Variants in FBXL7 observed in about 807,000 individuals in gnomAD.
FBXL7 encodes the protein F-box and leucine rich repeat protein 7.
FBXL7 carries 12 observed loss-of-function variants against 38.3 expected under a neutral mutation model. The observed-to-expected ratio is 0.31, with a 90% CI of 0.20 to 0.51. The LOEUF (loss-of-function observed/expected upper bound fraction) is 0.51. Among genes scored for constraint, FBXL7 ranks in the 20% least tolerant of loss-of-function variants. The pLI, the probability that FBXL7 is intolerant of heterozygous loss-of-function variation, is 0.98. For missense variants in FBXL7, 567 were observed against 676.4 expected, an observed-to-expected ratio of 0.84 and a Z score of 1.79; for synonymous variants, 297 against 300.9, an observed-to-expected ratio of 0.99 and a Z score of 0.13.
intron 2 of FBXL7, among the ~76,000 whole-genome samples, chr5:15,893,390 A>T (rs1488927951): frequency 6.6e-6 from 1 of 152,260 alleles, no homozygotes; most frequent in African/African-American, 2.4e-5. Context: ...TAATAATCAG[A>T]TATAAGCATA....
At chr5:15,633,214 T>C (rs1741058924) in intron 2 of FBXL7, among the ~76,000 whole-genome samples, 1 of 152,168 alleles carries the variant, frequency 6.6e-6, no homozygotes, top group South Asian at 2.1e-4. Flanking sequence ...TTATTTTTAT[T>C]TTGTGTTTTC....
chr5:15,858,323 T>C (rs1739333319), intron 2 of FBXL7, among the ~76,000 whole-genome samples: 1 of 151,902 alleles, frequency 6.6e-6, no homozygotes, highest in Admixed American at 6.6e-5. Flanking sequence ...AAATGACACA[T>C]CAGCATTGAT....
intron 2 of FBXL7, among the ~76,000 whole-genome samples, chr5:15,922,963 A>G (rs1741782417): frequency 6.6e-6 from 1 of 152,248 alleles, no homozygotes. Context: ...TTCAGGCATG[A>G]AAGTATGTTC....
intron 1 of FBXL7, among the ~76,000 whole-genome samples, chr5:15,613,178 A>G (rs1740312994): frequency 6.6e-6 from 1 of 152,184 alleles, no homozygotes; most frequent in South Asian, 2.1e-4. Context: ...TTTGAGGAAT[A>G]AAGTAATGGA....
intron 2 of FBXL7, among the ~76,000 whole-genome samples, chr5:15,793,132 G>T (rs1475825977): frequency 6.6e-6 from 1 of 152,178 alleles, no homozygotes; most frequent in Non-Finnish European, 1.5e-5. Context: ...GTGCAGTGCG[G>T]TGCCACCATG....
Position 15,936,320 on chromosome 5 carries a change from A to G in FBXL7, c.740-130A>G, listed in dbSNP as rs1742179709. The stretch of plus-strand genomic sequence containing the variant: ...CTTGCATTTCCTCTCTATAGAGACC[A>G]AGACAGGAAAGGGTAACATCAGCCT... On this transcript the variant is annotated intron_variant, in intron 3 of 3. Coordinates refer to ENST00000504595, the MANE Select transcript of FBXL7 (RefSeq NM_012304.5). The surrounding 1 kb of genome is among the most constrained non-coding windows in gnomAD (Gnocchi z 6.0). 2.8e-6 allele frequency: 3 copies of G among 1,085,390 alleles called. No homozygotes were observed. Among genetic ancestry groups the G allele is most frequent in the African/African-American group, 1.6e-5 (1 of 63,122 alleles). The allele number at this position is 1,085,390 out of a possible 1,614,324, so 67.2% of individuals were successfully genotyped here. A position where few individuals can be genotyped will look rare whatever the true frequency, so the allele number is the denominator to read the frequency against.
chr5:15,541,587 C>A (rs555541789), intron 1 of FBXL7, among the ~76,000 whole-genome samples: 1 of 143,104 alleles, frequency 7.0e-6, no homozygotes, highest in Admixed American at 7.0e-5. Context: ...CTCCGTTTTC[C>A]AGGCTGAAGT....
At chr5:15,607,526 G>T (rs562576891) in intron 1 of FBXL7, among the ~76,000 whole-genome samples, 2 of 152,228 alleles carry the variant, frequency 1.3e-5, no homozygotes, top group East Asian at 3.9e-4. Flanking sequence ...ACTTAGTTTT[G>T]CATAGTACCT....
At chr5:15,570,105 A>C (rs561235646) in intron 1 of FBXL7, among the ~76,000 whole-genome samples, 5 of 152,200 alleles carry the variant, frequency 3.3e-5, no homozygotes, top group Non-Finnish European at 7.3e-5. Flanking sequence ...CTGGCCTCAT[A>C]AAATGAGTTA....
At chr5:15,755,132 G>T (rs562999527) in intron 2 of FBXL7, among the ~76,000 whole-genome samples, 62 of 152,182 alleles carry the variant, frequency 4.1e-4, no homozygotes, top group Admixed American at 3.6e-3. Flanking sequence ...CCTCAAATTT[G>T]TATACTAGAC....
intron 2 of FBXL7, among the ~76,000 whole-genome samples, chr5:15,757,518 CTG>C (rs898607244): frequency 1.3e-5 from 2 of 150,158 alleles, no homozygotes; most frequent in Non-Finnish European, 3.0e-5. Flanking sequence ...TGCTGAAACT[CTG>C]TAGATTTTAT....
intron 2 of FBXL7, 105 bp from the exon 3 acceptor site, chr5:15,927,785 A>AAAAAAAT: frequency 2.5e-5 from 20 of 801,006 alleles, no homozygotes; most frequent in South Asian, 4.2e-5. Context: ...AAAAAAAAAA[A>AAAAAAAT]AAGAAGAAGA....
At chr5:15,738,677 C>T (rs1411322964) in intron 2 of FBXL7, among the ~76,000 whole-genome samples, 1 of 152,134 alleles carries the variant, frequency 6.6e-6, no homozygotes, top group African/African-American at 2.4e-5. Context: ...TGTGTGGTAC[C>T]ATCTTAGGGA....
intron 2 of FBXL7, among the ~76,000 whole-genome samples, chr5:15,635,314 C>T (rs957177793): frequency 6.6e-6 from 1 of 152,122 alleles, no homozygotes; most frequent in Non-Finnish European, 1.5e-5. Context: ...GAGACTCCAG[C>T]AGGATGGTCT....
intron 2 of FBXL7, among the ~76,000 whole-genome samples, chr5:15,674,799 T>G (rs987557447): frequency 2.6e-5 from 4 of 152,248 alleles, no homozygotes; most frequent in Non-Finnish European, 5.9e-5. Context: ...TTTTAGTGTT[T>G]CCCTGTGTTA....
chr5:15,664,960 G>GT (rs1422930301), intron 2 of FBXL7, among the ~76,000 whole-genome samples: 1 of 151,742 alleles, frequency 6.6e-6, no homozygotes, highest in African/African-American at 2.4e-5. Flanking sequence ...TGGGTTGGCA[G>GT]TTTTTTGTTT....
At chr5:15,734,215 C>T (rs949511888) in intron 2 of FBXL7, among the ~76,000 whole-genome samples, 1 of 152,212 alleles carries the variant, frequency 6.6e-6, no homozygotes, top group African/African-American at 2.4e-5. Flanking sequence ...TCCACAGATC[C>T]TGCTGCACAG....
At chr5:15,528,663 C>G (rs1282467241) in intron 1 of FBXL7, among the ~76,000 whole-genome samples, 1 of 152,166 alleles carries the variant, frequency 6.6e-6, no homozygotes, top group Non-Finnish European at 1.5e-5. Flanking sequence ...CAATTACCTC[C>G]CACTGGGTCC....
rs1258115757 is a variant in FBXL7, at chr5:15,863,302, G to A, written c.128-64588G>A. ...TTTTCAGTGTTAACCTTTTCCACTT[G>A]GAACATGTGCTTTCTGGTCATCATT... On this transcript the variant is annotated intron_variant, in intron 2 of 3. Coordinates refer to ENST00000504595, the MANE Select transcript of FBXL7 (RefSeq NM_012304.5). Among the ~76,000 whole-genome samples, 3 of 152,108 alleles carry A rather than the reference G, an allele frequency of 2.0e-5. No individual in the cohort carries two copies. The East Asian group carries it at 5.8e-4, about 29-fold the overall frequency.
Sources: gnomAD v4.1 joint callset for allele counts (sites outside exome capture counted in the v4.1 genomes callset) on GRCh38, gnomAD v4.1.1 for gene constraint, Gnocchi (gnomAD v3.1) non-coding constraint, MANE v1.5 for transcripts, NCBI Gene and HGNC (gene_info 2026-07-23, HGNC 2026-07-21) for gene names.